Variants in TENM2 observed in about 807,000 individuals in gnomAD.
TENM2 encodes teneurin-2.
Under a neutral mutation model 245.2 loss-of-function variants are expected in TENM2, and 52 were observed. The observed-to-expected ratio is 0.21, with a 90% CI of 0.17 to 0.27. TENM2 has a LOEUF of 0.27. TENM2 is among the 10% of genes least tolerant of loss of function. The pLI is 1.00. For missense variants in TENM2, 3,046 were observed against 3,666.8 expected, an observed-to-expected ratio of 0.83 and a Z score of 4.37; for synonymous variants, 1,363 against 1,438.9, an observed-to-expected ratio of 0.95 and a Z score of 1.19.
intron 2 of TENM2, among the ~76,000 whole-genome samples, chr5:167,727,538 G>T (rs1204191299): frequency 6.6e-6 from 1 of 152,210 alleles, no homozygotes; most frequent in Non-Finnish European, 1.5e-5. Flanking sequence ...TAGAGAAATG[G>T]AGAAGCTTAC....
At chr5:167,294,414 G>A (rs1261231422) in intron 1 of TENM2, 1 of 152,116 alleles carries the variant, frequency 6.6e-6, no homozygotes, top group East Asian at 1.9e-4. Flanking sequence ...AGAAAAAAAT[G>A]TACAAGGAAG....
chr5:168,219,824 CAAAAAAAAAAAAA>C lies in TENM2; in HGVS notation c.5108+838_5108+850del, dbSNP rs70976468. On this transcript the variant is annotated intron_variant, in intron 23 of 28. Coordinates refer to ENST00000518659, the Ensembl canonical transcript of TENM2. ...GTTAAGTTAGGGAGAGTTGGCACAG[CAAAAAAAAAAAAA>C]AAAAAAAAAAAAGCGGGGGACAAGA... is the stretch of plus-strand genomic sequence containing the variant. Among the ~76,000 whole-genome samples, 112 of 49,824 alleles carry C rather than the reference CAAAAAAAAAAAAA, an allele frequency of 2.2e-3. 2 individuals carry two copies. Among genetic ancestry groups the C allele is most frequent in the Middle Eastern group, 0.02 (1 of 50 alleles). 32.7% of individuals were successfully genotyped at this position (49,824 alleles called of 152,430 possible). A position where few individuals can be genotyped will look rare whatever the true frequency, so the allele number is the denominator to read the frequency against.
At chr5:167,437,335 T>C (rs1205852070) in intron 2 of TENM2, among the ~76,000 whole-genome samples, 1 of 152,162 alleles carries the variant, frequency 6.6e-6, no homozygotes, top group Non-Finnish European at 1.5e-5. Flanking sequence ...CGTAGCCCCT[T>C]GGTTTTGGCC....
intron 2 of TENM2, among the ~76,000 whole-genome samples, chr5:167,817,905 C>A (rs773853478): frequency 1.3e-5 from 2 of 152,158 alleles, no homozygotes; most frequent in African/African-American, 2.4e-5. Flanking sequence ...CACCTTTGCC[C>A]TCCTTCAGGA....
intron 2 of TENM2, among the ~76,000 whole-genome samples, chr5:167,412,675 G>C (rs955362331): frequency 6.6e-6 from 1 of 152,064 alleles, no homozygotes; most frequent in Non-Finnish European, 1.5e-5. Context: ...TAGGCAATTT[G>C]TATTTCCCAA....
intron 12 of TENM2, among the ~76,000 whole-genome samples, chr5:168,139,940 G>A (rs1755389632): frequency 6.6e-6 from 1 of 152,210 alleles, no homozygotes; most frequent in South Asian, 2.1e-4. Context: ...AACTAAAAAT[G>A]TATTAAAATG....
At chr5:167,087,468 T>G in the TENM2 span, among the ~76,000 whole-genome samples, 3 of 152,194 alleles carry the variant, frequency 2.0e-5, no homozygotes, top group African/African-American at 7.2e-5. Flanking sequence ...AGTTTTGAAC[T>G]GAAACCAATT....
intron 4 of TENM2, among the ~76,000 whole-genome samples, chr5:167,957,261 T>C (rs2151866554): frequency 6.6e-6 from 1 of 152,352 alleles, no homozygotes; most frequent in Non-Finnish European, 1.5e-5. Context: ...TTTATTTGCA[T>C]AGAGATGTTT....
intron 2 of TENM2, among the ~76,000 whole-genome samples, chr5:167,668,673 T>A (rs4463193): frequency 0.37 from 56,143 of 152,102 alleles, 14,504 homozygotes; most frequent in East Asian, 0.91. Flanking sequence ...TAAAGGCTTA[T>A]TGTAAGCACA....
At chr5:168,115,590 C>G (rs1795024703) in intron 9 of TENM2, among the ~76,000 whole-genome samples, 1 of 152,104 alleles carries the variant, frequency 6.6e-6, no homozygotes. Context: ...TCCGTGACAG[C>G]CCATCCAATC....
intron 9 of TENM2, among the ~76,000 whole-genome samples, chr5:168,103,858 G>T (rs903902288): frequency 1.3e-5 from 2 of 152,190 alleles, no homozygotes; most frequent in Non-Finnish European, 2.9e-5. Context: ...GCAGCTGACT[G>T]TTGGCAGGGA....
At chr5:167,066,137 C>A in the TENM2 span, among the ~76,000 whole-genome samples, 1 of 152,046 alleles carries the variant, frequency 6.6e-6, no homozygotes, top group East Asian at 1.9e-4. Flanking sequence ...TGATGAACAA[C>A]TGGATGAATC....
intron 2 of TENM2, among the ~76,000 whole-genome samples, chr5:167,612,509 G>A (rs2127752474): frequency 6.6e-6 from 1 of 152,094 alleles, no homozygotes; most frequent in East Asian, 1.9e-4. Context: ...TCCAACAGTG[G>A]CTTGGTGGCA....
At chr5:167,127,133 T>C in the TENM2 span, among the ~76,000 whole-genome samples, 6 of 152,124 alleles carry the variant, frequency 3.9e-5, no homozygotes, top group African/African-American at 1.4e-4. Flanking sequence ...AATAATTTTG[T>C]CTTAGGCCAA....
intron 8 of TENM2, among the ~76,000 whole-genome samples, chr5:168,092,192 A>G (rs1341921844): frequency 6.6e-6 from 1 of 152,202 alleles, no homozygotes; most frequent in Non-Finnish European, 1.5e-5. Context: ...ACAACTTCAG[A>G]AAGGTGTAAA....
chr5:167,702,059 C>T (rs1385636419), intron 2 of TENM2, among the ~76,000 whole-genome samples: 1 of 152,126 alleles, frequency 6.6e-6, no homozygotes, highest in African/African-American at 2.4e-5. Flanking sequence ...CTATTGAGAA[C>T]TATAAAATGT....
intron 17 of TENM2, among the ~76,000 whole-genome samples, chr5:168,200,827 T>C (rs934025045): frequency 3.3e-5 from 5 of 152,140 alleles, no homozygotes; most frequent in Non-Finnish European, 7.3e-5. Flanking sequence ...CTACCTTGTA[T>C]CTTCCTACTT....
chr5:167,135,354 G>T, the TENM2 span, among the ~76,000 whole-genome samples: 1 of 152,162 alleles, frequency 6.6e-6, no homozygotes, highest in Non-Finnish European at 1.5e-5. Flanking sequence ...ATTTGAAATA[G>T]AATTATAGGT....
intron 2 of TENM2, among the ~76,000 whole-genome samples, chr5:167,471,746 G>A (rs373446476): frequency 2.0e-5 from 3 of 152,298 alleles, no homozygotes; most frequent in East Asian, 1.9e-4. Context: ...AGACGCAGAA[G>A]TATGGTATCT....
Sources: gnomAD v4.1 joint callset for allele counts (sites outside exome capture counted in the v4.1 genomes callset) on GRCh38, gnomAD v4.1.1 for gene constraint, MANE v1.5 for transcripts, NCBI Gene and HGNC (gene_info 2026-07-23, HGNC 2026-07-21) for gene names.